Variants in PAPSS2 observed in about 807,000 individuals in gnomAD.
PAPSS2 encodes the protein 3'-phosphoadenosine 5'-phosphosulfate synthase 2, also known as bifunctional 3'-phosphoadenosine 5'-phosphosulfate synthase 2.
A neutral mutation model predicts 66.5 loss-of-function variants in PAPSS2; 61 were observed. That is an observed-to-expected ratio of 0.92 (90% CI 0.75 to 1.14). The LOEUF is 1.14. Among genes scored for constraint, PAPSS2 ranks in the 50% most tolerant of loss-of-function variants. The pLI is 0.00. For synonymous variants in PAPSS2, 289 were observed against 287.5 expected (o/e 1.01, Z -0.05); for missense variants, 708 against 789.6 (o/e 0.90, Z 1.24).
chr10:87,684,286 G>A lies in PAPSS2; in HGVS notation c.27+24278G>A, dbSNP rs375890597. Among the ~76,000 whole-genome samples, 3 of 152,202 alleles carry A rather than the reference G, an allele frequency of 2.0e-5. No individual in the cohort carries two copies. The East Asian group carries it at 5.8e-4, about 29-fold the overall frequency. Reference sequence around the variant, plus strand: ...TGCAGGAATCTCTTTCCATCTTCATGTATGAAAGCAGTGATGGGGTATGTG... The same window carrying A: ...TGCAGGAATCTCTTTCCATCTTCATATATGAAAGCAGTGATGGGGTATGTG... On this transcript the variant is annotated intron_variant, in intron 1 of 12. Coordinates refer to ENST00000456849, the MANE Select transcript of PAPSS2 (RefSeq NM_001015880.2).
At chr10:87,710,514 C>A (rs765729235) in intron 2 of PAPSS2, among the ~76,000 whole-genome samples, 2 of 152,068 alleles carry the variant, frequency 1.3e-5, no homozygotes, top group Non-Finnish European at 2.9e-5. Flanking sequence ...TCCCTTCATG[C>A]GAAGATCACT....
intron 1 of PAPSS2, among the ~76,000 whole-genome samples, chr10:87,675,527 GC>G (rs1379057592): frequency 6.6e-6 from 1 of 152,082 alleles, no homozygotes; most frequent in African/African-American, 2.4e-5. Flanking sequence ...GTATAGGGGG[GC>G]CAAGTTTCAT....
At chr10:87,739,100 C>A (rs1471662842) in intron 9 of PAPSS2, among the ~76,000 whole-genome samples, 4 of 152,060 alleles carry the variant, frequency 2.6e-5, no homozygotes, top group African/African-American at 9.7e-5. Flanking sequence ...TATCATAAAG[C>A]TTTTTCCCTT....
intron 1 of PAPSS2, among the ~76,000 whole-genome samples, chr10:87,668,658 ATGTGTG>A (rs58768390): frequency 0.079 from 11,751 of 149,214 alleles, 586 homozygotes; most frequent in East Asian, 0.25. Flanking sequence ...TACTTTAAAA[ATGTGTG>A]TGTGTGTGTG....
intron 1 of PAPSS2, among the ~76,000 whole-genome samples, chr10:87,681,356 G>A (rs1853019075): frequency 6.6e-6 from 1 of 152,148 alleles, no homozygotes; most frequent in Non-Finnish European, 1.5e-5. Flanking sequence ...CAAACAGGAG[G>A]AGTTTTAAAT....
chr10:87,682,252 G>C (rs1853030244), intron 1 of PAPSS2, among the ~76,000 whole-genome samples: 1 of 152,178 alleles, frequency 6.6e-6, no homozygotes, highest in African/African-American at 2.4e-5. Context: ...AGGCTATAGA[G>C]CAGCAAAGGT....
chr10:87,671,222 T>G (rs960177881), intron 1 of PAPSS2, among the ~76,000 whole-genome samples: 2 of 152,210 alleles, frequency 1.3e-5, no homozygotes, highest in Non-Finnish European at 2.9e-5. Flanking sequence ...ATACTATGAC[T>G]GTGAGAATGC....
intron 9 of PAPSS2, among the ~76,000 whole-genome samples, chr10:87,729,339 C>T (rs1853700582): frequency 1.3e-5 from 2 of 151,630 alleles, no homozygotes; most frequent in Admixed American, 1.3e-4. Flanking sequence ...GTCTCTGTGT[C>T]ACATTTTGGT....
chr10:87,736,375 C>T (rs553923589), intron 9 of PAPSS2, among the ~76,000 whole-genome samples: 4 of 146,666 alleles, frequency 2.7e-5, no homozygotes, highest in Non-Finnish European at 5.9e-5. Context: ...TCAAGTGATT[C>T]TCCTGCCTCA....
At chr10:87,693,701 G>A (rs1429640733) in intron 1 of PAPSS2, among the ~76,000 whole-genome samples, 2 of 152,186 alleles carry the variant, frequency 1.3e-5, no homozygotes, top group East Asian at 3.8e-4. Flanking sequence ...GTTCACATTA[G>A]CTTAATCAAT....
chr10:87,676,085 G>C (rs1485230477), intron 1 of PAPSS2, among the ~76,000 whole-genome samples: 1 of 150,228 alleles, frequency 6.7e-6, no homozygotes, highest in Admixed American at 6.7e-5. Context: ...GAGGAATGTA[G>C]CTGGAACGTT....
At chr10:87,688,670 C>CAGG (rs914822297) in intron 1 of PAPSS2, among the ~76,000 whole-genome samples, 1 of 151,878 alleles carries the variant, frequency 6.6e-6, no homozygotes, top group African/African-American at 2.4e-5. Flanking sequence ...CTGTGTTAGC[C>CAGG]ATGGTCTCGA....
rs543593301 is a variant in PAPSS2, at chr10:87,713,122, T to A, written c.193T>A (p.Tyr65Asn). ...KTTISFALEEYLVSHAIPCYS... is the reference protein window; with the variant it reads ...KTTISFALEENLVSHAIPCYS... ...AACGATAAGTTTTGCCCTGGAGGAG[T>A]ACCTTGTCTCCCATGCCATCCCTTG... Residue 65 changes from tyrosine to asparagine, a missense_variant, in exon 3 of 13, where the codon TAC becomes AAC. By Grantham distance (143) the Tyr-to-Asn change is moderately radical. Transcript: ENST00000456849. 6.2e-7 allele frequency: 1 copy of A among 1,613,010 alleles called. No homozygotes were observed. The highest frequency in any genetic ancestry group is 1.7e-5 in the Admixed American group (1 of 59,904).
rs529962542 is a variant in PAPSS2, at chr10:87,705,021, A to G, written c.28-4175A>G. Among the ~76,000 whole-genome samples the G allele has an allele frequency of 1.8e-4, 28 of 152,340 alleles. No homozygotes were observed. The Middle Eastern group carries it at 0.01, about 56-fold the overall frequency. On this transcript the variant is annotated intron_variant, in intron 1 of 12. Transcript: ENST00000456849. ...ATTTACAACGAAATACACATTTAGAATACATTCAGTGAGTTCTAATAAATG... is the reference window on the plus strand; with the variant it reads ...ATTTACAACGAAATACACATTTAGAGTACATTCAGTGAGTTCTAATAAATG...
rs986642208 is a variant in PAPSS2, at chr10:87,669,356, C to T, written c.27+9348C>T. 2.6e-5 allele frequency among the ~76,000 whole-genome samples: 4 copies of T among 152,160 alleles called. No homozygotes were observed. In the East Asian group the frequency reaches 7.7e-4, roughly 29 times the overall value. ...CTCAGTTCGCAAAGTACTATGAAGT[C>T]GATTACAGTAACCATGTGTGGTCTT... On this transcript the variant is annotated intron_variant, in intron 1 of 12. Coordinates refer to ENST00000456849, the MANE Select transcript of PAPSS2 (RefSeq NM_001015880.2).
At chr10:87,733,103 C>A (rs1853749562) in intron 9 of PAPSS2, among the ~76,000 whole-genome samples, 1 of 152,170 alleles carries the variant, frequency 6.6e-6, no homozygotes, top group Admixed American at 6.5e-5. Flanking sequence ...TTTTAGAACC[C>A]CACAGCTTCC....
Position 87,660,310 on chromosome 10 carries a change from G to A in PAPSS2, c.27+302G>A, listed in dbSNP as rs1035761303. ...GTCCGGATCTAGATCCAGGACCAGG[G>A]ACAGGAAATCCCCTTTCTTTCCCAA... On this transcript the variant is annotated intron_variant, in intron 1 of 12. Coordinates refer to ENST00000456849, the MANE Select transcript of PAPSS2 (RefSeq NM_001015880.2). 5 of 559,828 alleles carry A rather than the reference G, an allele frequency of 8.9e-6. No homozygotes were observed. The Admixed American group carries it at 1.6e-4, about 17-fold the overall frequency. The allele number at this position is 559,828 out of a possible 1,614,324, so 34.7% of individuals were successfully genotyped here. A position where few individuals can be genotyped will look rare whatever the true frequency, so the allele number is the denominator to read the frequency against.
At chr10:87,711,376 A>G (rs1347041510) in intron 2 of PAPSS2, among the ~76,000 whole-genome samples, 1 of 152,236 alleles carries the variant, frequency 6.6e-6, no homozygotes, top group Non-Finnish European at 1.5e-5. Flanking sequence ...GTGTGCCAAC[A>G]ATCTGGTTAC....
intron 1 of PAPSS2, among the ~76,000 whole-genome samples, chr10:87,667,194 C>T (rs1044378321): frequency 9.9e-5 from 15 of 152,192 alleles, no homozygotes; most frequent in African/African-American, 3.4e-4. Context: ...TGGCTCATGC[C>T]TGTAATCCCA....
Sources: gnomAD v4.1 joint callset for allele counts (sites outside exome capture counted in the v4.1 genomes callset) on GRCh38, gnomAD v4.1.1 for gene constraint, MANE v1.5 for transcripts, NCBI Gene and HGNC (gene_info 2026-07-23, HGNC 2026-07-21) for gene names.